The following ARHGEF10 variants were observed in gnomAD, a reference collection of about 807,000 sequenced individuals.
The protein encoded by ARHGEF10 is Rho guanine nucleotide exchange factor 10, also known as Rho guanine nucleotide exchange factor (GEF) 10.
Under a neutral mutation model 147.4 loss-of-function variants are expected in ARHGEF10, and 140 were observed. The ratio of observed to expected loss-of-function variants is 0.95; its 90% CI spans 0.83 to 1.09. The LOEUF (loss-of-function observed/expected upper bound fraction) is 1.09, where lower values mean the gene tolerates loss of function less well. Ranked by LOEUF, ARHGEF10 falls within the 50% of genes least tolerant of loss-of-function variation. ARHGEF10 has a pLI of 0.00. For missense variants in ARHGEF10, 2,222 were observed against 1,752.7 expected, an observed-to-expected ratio of 1.27 and a Z score of -4.78; for synonymous variants, 902 against 695.8, an observed-to-expected ratio of 1.30 and a Z score of -4.67.
chr8:1,907,197 G>A (rs1349799986), intron 17 of ARHGEF10, among the ~76,000 whole-genome samples: 1 of 152,206 alleles, frequency 6.6e-6, no homozygotes, highest in Non-Finnish European at 1.5e-5. Flanking sequence ...GTTATGAGGT[G>A]CTTCCCATAG....
intron 4 of ARHGEF10, among the ~76,000 whole-genome samples, chr8:1,862,326 G>C (rs145532619): frequency 6.6e-6 from 1 of 152,260 alleles, no homozygotes. Context: ...CCTGCCTGGA[G>C]CTCCCAGCTG....
At chr8:1,838,198 C>G (rs536878746) in intron 1 of ARHGEF10, among the ~76,000 whole-genome samples, 4 of 152,306 alleles carry the variant, frequency 2.6e-5, no homozygotes, top group African/African-American at 9.6e-5. Flanking sequence ...GGCCTGGACT[C>G]CATCTCCAGC....
At chr8:1,909,541 G>A in intron 18 of ARHGEF10, 71 bp downstream of exon 18, 1 of 1,584,708 alleles carries the variant, frequency 6.3e-7, no homozygotes, top group Non-Finnish European at 8.6e-7. Context: ...TAGCTGTGGG[G>A]CCAGCGTAAG....
chr8:1,917,449 G>A (rs1811842328), intron 18 of ARHGEF10, among the ~76,000 whole-genome samples: 1 of 152,128 alleles, frequency 6.6e-6, no homozygotes, highest in Admixed American at 6.5e-5. Context: ...AGGTTCTCAG[G>A]GACCGAGCAC....
chr8:1,913,272 G>A (rs1343758849), intron 18 of ARHGEF10, among the ~76,000 whole-genome samples: 1 of 151,008 alleles, frequency 6.6e-6, no homozygotes, highest in Admixed American at 6.6e-5. Flanking sequence ...AGCTGTTACC[G>A]CCCATCCTTC....
At chr8:1,873,673 G>A (rs754457375) in intron 7 of ARHGEF10, among the ~76,000 whole-genome samples, 187 of 117,004 alleles carry the variant, frequency 1.6e-3, no homozygotes, top group East Asian at 3.1e-3. Flanking sequence ...TAGTGCACCC[G>A]CATTTCCTCG....
At chr8:1,892,043 A>G (rs1327584608) in intron 11 of ARHGEF10, among the ~76,000 whole-genome samples, 1 of 149,736 alleles carries the variant, frequency 6.7e-6, no homozygotes, top group Non-Finnish European at 1.5e-5. Context: ...TATATATTAC[A>G]TGTATATATA....
At chr8:1,867,158 C>A (rs1473305154) in intron 6 of ARHGEF10, among the ~76,000 whole-genome samples, 1 of 151,814 alleles carries the variant, frequency 6.6e-6, no homozygotes, top group Non-Finnish European at 1.5e-5. Flanking sequence ...GATTCCAAAA[C>A]ATTTAGTAGC....
rs146466743 is a variant in ARHGEF10, at chr8:1,885,511, A to C, written c.1076-90A>C. ...ATGGAAAATTGAAAGGTCTACACAA[A>C]ATATTTATTTGACTTTTTTTTACTG... On this transcript the variant is annotated intron_variant, in intron 10 of 28. Coordinates refer to ENST00000349830, the MANE Select transcript of ARHGEF10 (RefSeq NM_014629.4). The C allele has an allele frequency of 1.1e-3, 1,006 of 939,440 alleles. 3 individuals carry two copies. The Middle Eastern group carries it at 0.018, about 17-fold the overall frequency. 58.2% of individuals were successfully genotyped at this position (939,440 alleles called of 1,614,324 possible).
At chr8:1,873,889 A>G (rs1452794358) in intron 7 of ARHGEF10, among the ~76,000 whole-genome samples, 4 of 151,740 alleles carry the variant, frequency 2.6e-5, no homozygotes, top group Non-Finnish European at 5.9e-5. Flanking sequence ...TGTCAGGTAT[A>G]CGTAAATATT....
At position 1,952,752 on chromosome 8, in the gene ARHGEF10, C is replaced by G; in HGVS notation, c.3445C>G (p.Leu1149Val). The change falls in exon 28 of 29, where the codon CTG becomes GTG. Residue 1149 changes from leucine (L) to valine (V), a missense_variant. Leu to Val is a conservative substitution (Grantham distance 32, BLOSUM62 1). Coordinates refer to ENST00000349830, the MANE Select transcript of ARHGEF10 (RefSeq NM_014629.4). ...GAGCCTGCTCGTCTGCCACGGATTG[C>G]TGATGGTCGGCACCAGCCTGGGAGT... ...VTSLLVCHGL[L>V]MVGTSLGVLV... is the part of the protein sequence containing the mutation. 1 of 1,613,428 alleles carries G rather than the reference C, an allele frequency of 6.2e-7. No individual in the cohort carries two copies. The highest frequency in any genetic ancestry group is 8.5e-7 in the Non-Finnish European group (1 of 1,180,012).
rs1009764603 is a variant in ARHGEF10, at chr8:1,890,854, T to A, written c.1183-2715T>A. Among the ~76,000 whole-genome samples, 3 of 152,096 alleles carry A rather than the reference T, an allele frequency of 2.0e-5. No individual in the cohort carries two copies. In the South Asian group the frequency reaches 6.2e-4, roughly 31 times the overall value. Reference sequence around the variant, plus strand: ...AAGGGCCTGTCTGTTGGGTACTGATTTTGGTGGATTTGCTCAGCGAATTGG... The same window carrying A: ...AAGGGCCTGTCTGTTGGGTACTGATATTGGTGGATTTGCTCAGCGAATTGG... On this transcript the variant is annotated intron_variant, in intron 11 of 28. Transcript: ENST00000349830.
At chr8:1,888,639 G>A (rs2129141335) in intron 11 of ARHGEF10, among the ~76,000 whole-genome samples, 1 of 141,314 alleles carries the variant, frequency 7.1e-6, no homozygotes, top group South Asian at 2.3e-4. Context: ...ACAGAGTGTG[G>A]TAAGGGTCCT....
chr8:1,861,267 C>G (rs923956474), intron 4 of ARHGEF10, among the ~76,000 whole-genome samples: 1 of 152,252 alleles, frequency 6.6e-6, no homozygotes, highest in African/African-American at 2.4e-5. Context: ...CACGCACCAG[C>G]TGTGTCTGCA....
chr8:1,874,468 C>T (rs1195394710), intron 7 of ARHGEF10, among the ~76,000 whole-genome samples: 1 of 152,200 alleles, frequency 6.6e-6, no homozygotes, highest in Non-Finnish European at 1.5e-5. Context: ...AAAAAGGTAA[C>T]ATGTGTGAAA....
In ARHGEF10 at chr8:1,923,492, G is replaced by GACTGGACAT. The variant is rs1812452998; in HGVS notation, c.2285_2293dup (p.Thr764_Ser765insTyrTrpThr). Reference sequence around the variant, plus strand: ...GAACTTAAACCAGTCAGTAGCCCATGACTGGACATCAGGTTTACAAAGGCT... The same window carrying GACTGGACAT: ...GAACTTAAACCAGTCAGTAGCCCATGACTGGACATACTGGACATCAGGTTTACAAAGGCT... On this transcript the variant is annotated inframe_insertion, in exon 20 of 29. Coordinates refer to ENST00000349830, the MANE Select transcript of ARHGEF10 (RefSeq NM_014629.4). The GACTGGACAT allele has an allele frequency of 3.1e-6, 5 of 1,614,008 alleles. No individual in the cohort carries two copies. Among genetic ancestry groups the GACTGGACAT allele is most frequent in the Non-Finnish European group, 4.2e-6 (5 of 1,180,040 alleles).
chr8:1,842,736 T>G (rs1804190347), intron 1 of ARHGEF10, among the ~76,000 whole-genome samples: 1 of 152,234 alleles, frequency 6.6e-6, no homozygotes, highest in African/African-American at 2.4e-5. Flanking sequence ...GAACTGGCCT[T>G]CCCGGGACTC....
At chr8:1,926,248 T>C in intron 22 of ARHGEF10, 129 bp from the exon 23 acceptor site, 2 of 791,248 alleles carry the variant, frequency 2.5e-6, no homozygotes, top group South Asian at 2.9e-5. Flanking sequence ...TTTTAATCTT[T>C]GGTAGGTAAT....
At chr8:1,889,856 G>C (rs1435745512) in intron 11 of ARHGEF10, among the ~76,000 whole-genome samples, 108 of 142,342 alleles carry the variant, frequency 7.6e-4, no homozygotes, top group African/African-American at 2.7e-3. Context: ...GGTTTGTGAG[G>C]AGACACTGAG....
Sources: gnomAD v4.1 joint callset for allele counts (sites outside exome capture counted in the v4.1 genomes callset) on GRCh38, gnomAD v4.1.1 for gene constraint, MANE v1.5 for transcripts, NCBI Gene and HGNC (gene_info 2026-07-23, HGNC 2026-07-21) for gene names.